The following DIP2B variants were observed in gnomAD, a reference collection of about 807,000 sequenced individuals.
DIP2B encodes DIP2 acetate--CoA ligase B (putative).
Under a neutral mutation model 198.0 loss-of-function variants are expected in DIP2B, and 76 were observed. The observed-to-expected ratio is 0.38, with a 90% CI of 0.32 to 0.46. The LOEUF (loss-of-function observed/expected upper bound fraction) is 0.46, where lower values mean the gene tolerates loss of function less well. Among genes scored for constraint, DIP2B ranks in the 20% least tolerant of loss-of-function variants. The pLI, the probability that DIP2B is intolerant of heterozygous loss-of-function variation, is 0.99. For synonymous variants in DIP2B, 701 were observed against 739.1 expected, an observed-to-expected ratio of 0.95 and a Z score of 0.84; for missense variants, 1,559 against 1,978.4, an observed-to-expected ratio of 0.79 and a Z score of 4.02.
At position 50,543,924 on chromosome 12, in the gene DIP2B, T is replaced by TAAAA. The variant is rs781505789; in HGVS notation, c.100+38701_100+38704dup. 7.8e-4 allele frequency among the ~76,000 whole-genome samples: 79 copies of TAAAA among 101,168 alleles called. 3 individuals are homozygous for TAAAA. Among genetic ancestry groups the TAAAA allele is most frequent in the African/African-American group, 2.4e-3 (61 of 25,206 alleles). The allele number at this position is 101,168 out of a possible 152,430, so 66.4% of individuals were successfully genotyped here. On this transcript the variant is annotated intron_variant, in intron 1 of 37. Coordinates refer to ENST00000301180, the MANE Select transcript of DIP2B (RefSeq NM_173602.3). Reference sequence around the variant, plus strand: ...GGGCGACAGAGTGAGACTCAGCCTTTAAAAAAAAAAAAAAAAAAAAGGAGG... The same window carrying TAAAA: ...GGGCGACAGAGTGAGACTCAGCCTTTAAAAAAAAAAAAAAAAAAAAAAAAGGAGG...
At chr12:50,683,578 G>A (rs1199478628) in intron 10 of DIP2B, among the ~76,000 whole-genome samples, 3 of 151,456 alleles carry the variant, frequency 2.0e-5, no homozygotes, top group Non-Finnish European at 4.4e-5. Context: ...TCAGGAGATC[G>A]AGACCATCCT....
chr12:50,683,087 A>C (rs768315587), intron 9 of DIP2B, 51 bp from the exon 10 acceptor site: 9 of 1,401,268 alleles, frequency 6.4e-6, no homozygotes, highest in African/African-American at 2.9e-5. Flanking sequence ...CATTGAAAGC[A>C]TTAGTATGTT....
intron 13 of DIP2B, among the ~76,000 whole-genome samples, chr12:50,691,706 A>T (rs972017015): frequency 3.9e-5 from 6 of 152,004 alleles, no homozygotes; most frequent in African/African-American, 1.2e-4. Flanking sequence ...TCATGAAATT[A>T]TATATATATA....
In DIP2B at chr12:50,534,369, A is replaced by ATTTTT. The variant is rs72095442; in HGVS notation, c.100+29146_100+29150dup. Reference sequence around the variant, plus strand: ...GACTCTTTTTACACATTCTCATTTCATTTTTTTTTTTTTTTTTTTTTGAGA... The same window carrying ATTTTT: ...GACTCTTTTTACACATTCTCATTTCATTTTTTTTTTTTTTTTTTTTTTTTTTGAGA... On this transcript the variant is annotated intron_variant, in intron 1 of 37. Coordinates refer to ENST00000301180, the MANE Select transcript of DIP2B (RefSeq NM_173602.3). Among the ~76,000 whole-genome samples, 107 of 107,878 alleles carry ATTTTT rather than the reference A, an allele frequency of 9.9e-4. 2 individuals carry two copies. Among genetic ancestry groups the ATTTTT allele is most frequent in the Non-Finnish European group, 1.5e-3 (83 of 56,462 alleles). The allele number at this position is 107,878 out of a possible 152,430, so 70.8% of individuals were successfully genotyped here. A position where few individuals can be genotyped will look rare whatever the true frequency, so the allele number is the denominator to read the frequency against.
intron 12 of DIP2B, among the ~76,000 whole-genome samples, chr12:50,688,196 A>G (rs949128702): frequency 1.3e-5 from 2 of 152,072 alleles, no homozygotes; most frequent in East Asian, 3.9e-4. Flanking sequence ...GCTGGATGCA[A>G]TGGTTCACAT....
intron 4 of DIP2B, among the ~76,000 whole-genome samples, chr12:50,665,038 G>A (rs1343280014): frequency 6.6e-6 from 1 of 151,628 alleles, no homozygotes; most frequent in Non-Finnish European, 1.5e-5. Flanking sequence ...TTGTAGAGTT[G>A]GAGATGGGGT....
At chr12:50,606,732 G>A (rs1958985038) in intron 1 of DIP2B, among the ~76,000 whole-genome samples, 1 of 151,654 alleles carries the variant, frequency 6.6e-6, no homozygotes, top group African/African-American at 2.4e-5. Flanking sequence ...TTGCGTTCAA[G>A]CAATCGTCCC....
In DIP2B at chr12:50,575,371, GTTTTT is replaced by G. The variant is rs1308915360; in HGVS notation, c.101-50600_101-50596del. Among the ~76,000 whole-genome samples, 91 of 144,998 alleles carry G rather than the reference GTTTTT, an allele frequency of 6.3e-4. 1 individual carries two copies. The highest frequency in any genetic ancestry group is 3.0e-3 in the Admixed American group (43 of 14,464). ...GAAAGCTGGGGGTCACCACAGGCTT[GTTTTT>G]TTTTGTTTTGTTTTGTTTTTTTTTG... is the stretch of plus-strand genomic sequence containing the variant. On this transcript the variant is annotated intron_variant, in intron 1 of 37. Transcript: ENST00000301180.
chr12:50,652,774 T>C (rs1408765642), intron 3 of DIP2B, among the ~76,000 whole-genome samples: 1 of 152,136 alleles, frequency 6.6e-6, no homozygotes, highest in East Asian at 1.9e-4. Flanking sequence ...CTTTCCTATG[T>C]CTTCTTTAAT....
Position 50,698,360 on chromosome 12 carries a change from G to T in DIP2B, c.2081G>T (p.Arg694Ile). 3 of 1,613,610 alleles carry T rather than the reference G, an allele frequency of 1.9e-6. No homozygotes were observed. Among genetic ancestry groups the T allele is most frequent in the Non-Finnish European group, 1.7e-6 (2 of 1,179,740 alleles). ...GTTCCAGGAGCCCCTTTGCCAGGAA[G>T]AGCCATTCTCTCAATGAATGGATTG... Reference protein sequence around the residue: ...PGVPGAPLPGRAILSMNGLSY... With the variant: ...PGVPGAPLPGIAILSMNGLSY... Residue 694 changes from arginine to isoleucine, a missense_variant, in exon 18 of 38, where the codon AGA becomes ATA. Physicochemically the swap from Arg to Ile is moderately conservative, Grantham distance 97. Transcript: ENST00000301180.
chr12:50,632,770 C>G (rs1938084200), intron 2 of DIP2B, among the ~76,000 whole-genome samples: 1 of 151,940 alleles, frequency 6.6e-6, no homozygotes, highest in South Asian at 2.1e-4. Context: ...CTCCTGACCT[C>G]AAGTAATCCG....
At position 50,744,885 on chromosome 12, in the gene DIP2B, G is replaced by A. The variant is rs563187757; in HGVS notation, c.*46G>A. The A allele has an allele frequency of 6.2e-6, 10 of 1,601,094 alleles. No homozygotes were observed. The highest frequency in any genetic ancestry group is 3.4e-5 in the Admixed American group (2 of 59,398). The stretch of plus-strand genomic sequence containing the variant: ...GTGGGCCATTCTGAAGAATCACAAA[G>A]ACAGAAGACCTCTGGCTAAGAGCAG... On this transcript the variant is annotated 3_prime_UTR_variant, in exon 38 of 38. Transcript: ENST00000301180.
intron 3 of DIP2B, among the ~76,000 whole-genome samples, chr12:50,643,405 CTGTGTGTGTGTGTGTGTGTGTG>C (rs57483938): frequency 8.1e-4 from 106 of 131,188 alleles, no homozygotes; most frequent in African/African-American, 2.9e-3. Flanking sequence ...GGGAGTTTTT[CTGTGTGTGTGTGTGTGTGTGTG>C]TGTGTGTGTG....
intron 1 of DIP2B, among the ~76,000 whole-genome samples, chr12:50,555,748 CTTGT>C (rs1392281535): frequency 6.6e-6 from 1 of 152,028 alleles, no homozygotes; most frequent in East Asian, 1.9e-4. Flanking sequence ...TCACCCCATG[CTTGT>C]TTGGCGCCTC....
chr12:50,549,440 G>A (rs575636208), intron 1 of DIP2B, among the ~76,000 whole-genome samples: 31 of 151,820 alleles, frequency 2.0e-4, no homozygotes, highest in African/African-American at 7.5e-4. Flanking sequence ...TGAGGCAGGA[G>A]AATGGCGTGA....
At chr12:50,511,096 C>T (rs1958011480) in intron 1 of DIP2B, among the ~76,000 whole-genome samples, 1 of 150,942 alleles carries the variant, frequency 6.6e-6, no homozygotes, top group African/African-American at 2.4e-5. Flanking sequence ...CAGGCGCCCT[C>T]CACCATGCCC....
chr12:50,713,800 A>ACGG (rs138290233), intron 22 of DIP2B, among the ~76,000 whole-genome samples: 1 of 28,236 alleles, frequency 3.5e-5, no homozygotes, highest in Admixed American at 2.6e-4. Context: ...TTGGCTGGGC[A>ACGG]TGGTATGACA....
intron 11 of DIP2B, 123 bp downstream of exon 11, chr12:50,686,079 G>T (rs1939125631): frequency 9.6e-7 from 1 of 1,045,096 alleles, no homozygotes; most frequent in African/African-American, 1.6e-5. Flanking sequence ...ATAGTCTTAT[G>T]AAGTAGGTAC....
chr12:50,613,087 C>G (rs1959045299), intron 1 of DIP2B, among the ~76,000 whole-genome samples: 1 of 152,202 alleles, frequency 6.6e-6, no homozygotes, highest in Non-Finnish European at 1.5e-5. Flanking sequence ...CTCTTCATTC[C>G]TGTCACAAAG....
Sources: gnomAD v4.1 joint callset for allele counts (sites outside exome capture counted in the v4.1 genomes callset) on GRCh38, gnomAD v4.1.1 for gene constraint, MANE v1.5 for transcripts, NCBI Gene and HGNC (gene_info 2026-07-23, HGNC 2026-07-21) for gene names.